Variants in SCAMP4 observed in about 807,000 individuals in gnomAD.
The protein encoded by SCAMP4 is secretory carrier-associated membrane protein 4.
SCAMP4 carries 19 observed loss-of-function variants against 32.1 expected under a neutral mutation model. The ratio of observed to expected loss-of-function variants is 0.59; its 90% CI spans 0.41 to 0.87. The LOEUF is 0.87. Ranked by LOEUF, SCAMP4 falls within the 40% of genes least tolerant of loss-of-function variation. The pLI is 0.00. For missense variants in SCAMP4, 302 were observed against 309.0 expected (o/e 0.98, Z 0.17); for synonymous variants, 152 against 132.7 (o/e 1.15, Z -1.00).
chr19:1,922,570 G>A (rs1026912171), intron 5 of SCAMP4: 29 of 985,354 alleles, frequency 2.9e-5, no homozygotes, highest in Middle Eastern at 5.2e-4. Flanking sequence ...AGTGCCCACC[G>A]GGTGATGGTG....
chr19:1,923,951 G>C (rs1200481605), intron 6 of SCAMP4, among the ~76,000 whole-genome samples, 157 bp from the exon 7 acceptor site: 1 of 83,504 alleles, frequency 1.2e-5, no homozygotes, highest in Non-Finnish European at 4.0e-5. Flanking sequence ...GTAGAGACAG[G>C]GTTTCACCAT....
intron 1 of SCAMP4, chr19:1,912,175 A>G: frequency 6.3e-7 from 1 of 1,577,832 alleles, no homozygotes; most frequent in Admixed American, 1.8e-5. Flanking sequence ...GCGCCGTGGC[A>G]GGCCCTCCCT....
chr19:1,912,518 G>C, intron 1 of SCAMP4: 1 of 1,496,560 alleles, frequency 6.7e-7, no homozygotes, highest in Non-Finnish European at 8.8e-7. Context: ...AGTTCGAGGA[G>C]GCCCGGGCCC....
intron 5 of SCAMP4, chr19:1,920,678 G>A (rs1294198494): frequency 4.9e-5 from 48 of 985,394 alleles, no homozygotes; most frequent in Non-Finnish European, 5.4e-5. Flanking sequence ...GGCACTGCTC[G>A]TCATCCTCCG....
At position 1,924,969 on chromosome 19, in the gene SCAMP4, C is replaced by G. The variant is rs964607061; in HGVS notation, c.*685C>G. The G allele has an allele frequency of 6.6e-6, 1 of 152,530 alleles. No homozygotes were observed. The highest frequency in any genetic ancestry group is 2.4e-5 in the African/African-American group (1 of 41,452). The allele number at this position is 152,530 out of a possible 1,614,324, so 9.4% of individuals were successfully genotyped here. A position where few individuals can be genotyped will look rare whatever the true frequency, so the allele number is the denominator to read the frequency against. ...CCCTGGCAGGCTGTCTTTCCACGCCCCTGAGTTCAGAGTCGGGGACCCAGG... is the reference window on the plus strand; with the variant it reads ...CCCTGGCAGGCTGTCTTTCCACGCCGCTGAGTTCAGAGTCGGGGACCCAGG... On this transcript the variant is annotated 3_prime_UTR_variant, in exon 7 of 7. Transcript: ENST00000316097.
At chr19:1,911,108 C>T in intron 1 of SCAMP4, among the ~76,000 whole-genome samples, 1 of 152,080 alleles carries the variant, frequency 6.6e-6, no homozygotes, top group East Asian at 1.9e-4. Flanking sequence ...ATCTCCTGAC[C>T]TTGTGATCCG....
intron 6 of SCAMP4, among the ~76,000 whole-genome samples, chr19:1,923,834 C>T (rs976771173): frequency 1.7e-5 from 2 of 118,692 alleles, no homozygotes; most frequent in Admixed American, 2.0e-4. Context: ...ACCGTGTTAG[C>T]CAGGATGGTC....
intron 4 of SCAMP4, 76 bp from the exon 5 acceptor site, chr19:1,918,813 C>A: frequency 6.5e-7 from 1 of 1,540,244 alleles, no homozygotes; most frequent in East Asian, 2.5e-5. Flanking sequence ...CCATCTCTGA[C>A]TGGCCCGTTC....
At chr19:1,918,849 C>T (rs1022059521) in intron 4 of SCAMP4, 40 bp from the exon 5 acceptor site, 1 of 1,573,230 alleles carries the variant, frequency 6.4e-7, no homozygotes, top group African/African-American at 1.4e-5. Flanking sequence ...TGGGAGAAGC[C>T]AGGGCTGTGG....
intron 5 of SCAMP4, chr19:1,922,599 T>C: frequency 2.0e-6 from 2 of 985,290 alleles, no homozygotes; most frequent in Non-Finnish European, 2.4e-6. Flanking sequence ...TCCATCCGCA[T>C]TGCTCCCGGA....
intron 5 of SCAMP4, chr19:1,921,839 A>G (rs1264138938): frequency 5.4e-5 from 53 of 984,936 alleles, no homozygotes; most frequent in Admixed American, 1.2e-4. Context: ...AGAGGAAGGA[A>G]TGACCCAAAG....
Position 1,908,707 on chromosome 19 carries a change from C to T in SCAMP4, c.-42+3268C>T. ...AGGAACAGGGTCTCTCTATCTTGCC[C>T]ACGTTGGTCTCAAACTCCTGTGCTT... is the stretch of plus-strand genomic sequence containing the variant. On this transcript the variant is annotated intron_variant, in intron 1 of 6. Coordinates refer to ENST00000316097, the MANE Select transcript of SCAMP4 (RefSeq NM_079834.4). This position sits in a 1 kb window ranked among gnomAD's most constrained non-coding sequence, Gnocchi z 4.2. 2.5e-6 allele frequency: 1 copy of T among 394,080 alleles called. No individual in the cohort carries two copies. Among genetic ancestry groups the T allele is most frequent in the Non-Finnish European group, 5.0e-6 (1 of 198,942 alleles). 24.4% of individuals were successfully genotyped at this position (394,080 alleles called of 1,614,324 possible).
intron 4 of SCAMP4, chr19:1,918,626 G>T: frequency 1.9e-6 from 1 of 539,520 alleles, no homozygotes; most frequent in Non-Finnish European, 3.2e-6. Flanking sequence ...GCCAGGCGTG[G>T]TTGCGGGCGC....
chr19:1,922,935 T>C, intron 5 of SCAMP4, 135 bp from the exon 6 acceptor site: 2 of 1,355,584 alleles, frequency 1.5e-6, no homozygotes, highest in Non-Finnish European at 1.9e-6. Flanking sequence ...TGTTGGCCAC[T>C]TGGTCGTCCT....
chr19:1,921,408 G>T lies in SCAMP4; in HGVS notation c.396-1662G>T, dbSNP rs931147810. On this transcript the variant is annotated intron_variant, in intron 5 of 6. Coordinates refer to ENST00000316097, the MANE Select transcript of SCAMP4 (RefSeq NM_079834.4). The stretch of plus-strand genomic sequence containing the variant: ...GCCTAGCTGTGTAGATGGTGAGGGT[G>T]GCCACATGGCGGCAGCCAGGTACTG... 6.1e-6 allele frequency: 6 copies of T among 984,190 alleles called. No homozygotes were observed. In the African/African-American group the frequency reaches 1.1e-4, roughly 17 times the overall value. The allele number at this position is 984,190 out of a possible 1,614,324, so 61.0% of individuals were successfully genotyped here.
At chr19:1,912,248 G>A in intron 1 of SCAMP4, 1 of 1,597,766 alleles carries the variant, frequency 6.3e-7, no homozygotes, top group Non-Finnish European at 8.5e-7. Flanking sequence ...CGCCCGTCCT[G>A]GACAAGCGCC....
Position 1,924,004 on chromosome 19 carries a change from T to C in SCAMP4, c.514-104T>C, listed in dbSNP as rs62129465. ...CGAACTCCAGAGCTCAGACAGTCTG[T>C]CTGCCTCGGCCTCCCGAAGTGCTGG... On this transcript the variant is annotated intron_variant, in intron 6 of 6. Coordinates refer to ENST00000316097, the MANE Select transcript of SCAMP4 (RefSeq NM_079834.4). 3.0e-4 allele frequency: 93 copies of C among 312,536 alleles called. 27 individuals are homozygous for C. The Middle Eastern group carries it at 0.011, about 36-fold the overall frequency. 19.4% of individuals were successfully genotyped at this position (312,536 alleles called of 1,614,324 possible).
At chr19:1,914,222 G>A (rs772434381) in intron 1 of SCAMP4, among the ~76,000 whole-genome samples, 13 of 152,170 alleles carry the variant, frequency 8.5e-5, no homozygotes, top group South Asian at 2.1e-4. Flanking sequence ...GCAGGCGGGC[G>A]GAGGGGAAGA....
In SCAMP4 at chr19:1,924,177, T is replaced by TG. The variant is rs780079515; in HGVS notation, c.585dup (p.Arg196AlafsTer170). 1 of 1,611,898 alleles carries TG rather than the reference T, an allele frequency of 6.2e-7. No individual in the cohort carries two copies. The highest frequency in any genetic ancestry group is 1.7e-5 in the Admixed American group (1 of 59,768). ...ACAGACGGAGTGGAACACGGGCACT[T>TG]GGCGGAACCCACCGTCGAGGGAGGC... is the stretch of plus-strand genomic sequence containing the variant. On this transcript the variant is annotated frameshift_variant, in exon 7 of 7. Transcript: ENST00000316097. LOFTEE classifies it high-confidence loss of function.
Sources: allele counts gnomAD v4.1 joint callset (sites outside exome capture counted in the v4.1 genomes callset), GRCh38; gene constraint gnomAD v4.1.1; non-coding constraint Gnocchi (gnomAD v3.1); transcripts MANE v1.5; gene names NCBI Gene and HGNC (gene_info 2026-07-23, HGNC 2026-07-21).